COL24A1: variants seen among roughly 807,000 people sequenced by gnomAD.
COL24A1 encodes the protein collagen type XXIV alpha 1 chain.
COL24A1 carries 224 observed loss-of-function variants against 253.9 expected under a neutral mutation model. That is an observed-to-expected ratio of 0.88 (90% CI 0.79 to 0.99). COL24A1 has a LOEUF of 0.99. Ranked by LOEUF, COL24A1 falls within the 50% of genes least tolerant of loss-of-function variation. The pLI, the probability that COL24A1 is intolerant of heterozygous loss-of-function variation, is 0.00. For missense variants in COL24A1, 2,131 were observed against 2,068.5 expected (o/e 1.03, Z -0.59); for synonymous variants, 685 against 673.7 (o/e 1.02, Z -0.26).
chr1:86,067,148 GAA>G (rs113420368), intron 7 of COL24A1, among the ~76,000 whole-genome samples: 115 of 125,872 alleles, frequency 9.1e-4, no homozygotes, highest in African/African-American at 3.1e-3. Context: ...CAAAAAAGAA[GAA>G]AAAAAAAAAA....
At chr1:85,797,523 A>C (rs989712057) in intron 47 of COL24A1, among the ~76,000 whole-genome samples, 2 of 152,200 alleles carry the variant, frequency 1.3e-5, no homozygotes, top group Non-Finnish European at 2.9e-5. Context: ...AAGTGGGGGA[A>C]ATAATAGAAT....
At chr1:85,880,025 AG>A (rs1427470908) in intron 32 of COL24A1, among the ~76,000 whole-genome samples, 1 of 152,180 alleles carries the variant, frequency 6.6e-6, no homozygotes, top group Admixed American at 6.5e-5. Context: ...GCCTTTCCAT[AG>A]GAACTTCAGA....
chr1:85,732,881 C>G (rs552633085), intron 59 of COL24A1, among the ~76,000 whole-genome samples: 2 of 152,068 alleles, frequency 1.3e-5, no homozygotes, highest in Non-Finnish European at 2.9e-5. Context: ...ATATTATTAT[C>G]CCTATTATTA....
At chr1:85,830,342 C>G (rs945242404) in intron 43 of COL24A1, among the ~76,000 whole-genome samples, 1 of 152,100 alleles carries the variant, frequency 6.6e-6, no homozygotes, top group Non-Finnish European at 1.5e-5. Context: ...CAGACAGGGA[C>G]ATTTAAGTCT....
intron 7 of COL24A1, among the ~76,000 whole-genome samples, chr1:86,077,789 G>A (rs1157409882): frequency 1.3e-5 from 2 of 151,876 alleles, no homozygotes; most frequent in African/African-American, 4.8e-5. Flanking sequence ...GCTGAACAAT[G>A]AGAACACATG....
intron 5 of COL24A1, among the ~76,000 whole-genome samples, 162 bp downstream of exon 5, chr1:86,112,405 C>T (rs1419424578): frequency 6.6e-6 from 1 of 152,152 alleles, no homozygotes; most frequent in African/African-American, 2.4e-5. Context: ...GAACCTAGCT[C>T]TCTGCCAGGC....
In COL24A1 at chr1:86,142,534, C is replaced by CAA. The variant is rs1557804752; in HGVS notation, c.121+3583_121+3584dup. On this transcript the variant is annotated intron_variant, in intron 2 of 59. Coordinates refer to ENST00000370571, the MANE Select transcript of COL24A1 (RefSeq NM_152890.7). ...TGAGACACTGCCTCAAAAAAAAAAA[C>CAA]AAAAAACAAAAAACAAAAAAAACAA... Among the ~76,000 whole-genome samples the CAA allele has an allele frequency of 1.0e-4, 13 of 128,910 alleles. 1 individual carries two copies. The highest frequency in any genetic ancestry group is 5.1e-4 in the East Asian group (2 of 3,906). The allele number at this position is 128,910 out of a possible 152,430, so 84.6% of individuals were successfully genotyped here.
intron 12 of COL24A1, among the ~76,000 whole-genome samples, chr1:86,043,112 G>T (rs915264518): frequency 6.6e-6 from 1 of 151,984 alleles, no homozygotes; most frequent in African/African-American, 2.4e-5. Context: ...CTTAAATTCA[G>T]AATCTTAAAA....
intron 24 of COL24A1, among the ~76,000 whole-genome samples, chr1:85,912,248 A>C (rs1189400096): frequency 2.0e-5 from 3 of 152,144 alleles, no homozygotes; most frequent in Non-Finnish European, 4.4e-5. Context: ...AAAGAAGGTA[A>C]TCAGTTACAC....
intron 55 of COL24A1, among the ~76,000 whole-genome samples, chr1:85,758,521 T>C (rs2101070617): frequency 6.6e-6 from 1 of 152,304 alleles, no homozygotes; most frequent in East Asian, 1.9e-4. Context: ...CCATACACAC[T>C]GAGGTCTGGT....
intron 24 of COL24A1, among the ~76,000 whole-genome samples, chr1:85,946,267 C>T (rs949568264): frequency 2.0e-5 from 3 of 152,158 alleles, no homozygotes; most frequent in African/African-American, 7.2e-5. Flanking sequence ...TACTGTGTGA[C>T]TCCACCGGGA....
chr1:86,108,870 T>A (rs1705274314), intron 5 of COL24A1, among the ~76,000 whole-genome samples: 1 of 151,344 alleles, frequency 6.6e-6, no homozygotes, highest in Non-Finnish European at 1.5e-5. Flanking sequence ...AGATTGAGAG[T>A]TAAATTACAA....
intron 20 of COL24A1, among the ~76,000 whole-genome samples, chr1:85,978,570 A>AT (rs1280829287): frequency 1.3e-5 from 2 of 151,950 alleles, no homozygotes; most frequent in Non-Finnish European, 2.9e-5. Context: ...CAGGACCTCA[A>AT]TAACAGTTAA....
At chr1:85,892,469 G>C (rs1683231128) in intron 31 of COL24A1, among the ~76,000 whole-genome samples, 1 of 151,932 alleles carries the variant, frequency 6.6e-6, no homozygotes, top group South Asian at 2.1e-4. Flanking sequence ...GAAATATAAA[G>C]GATGTTCTAT....
chr1:86,017,703 A>G (rs561963615), intron 18 of COL24A1, among the ~76,000 whole-genome samples: 1 of 152,352 alleles, frequency 6.6e-6, no homozygotes, highest in South Asian at 2.1e-4. Flanking sequence ...TAAAATAGAA[A>G]TAATAATTAT....
At chr1:85,915,442 T>A (rs1685802071) in intron 24 of COL24A1, among the ~76,000 whole-genome samples, 1 of 152,208 alleles carries the variant, frequency 6.6e-6, no homozygotes, top group South Asian at 2.1e-4. Context: ...TGTGAGATTT[T>A]TTTTTAGCCC....
intron 19 of COL24A1, among the ~76,000 whole-genome samples, chr1:86,004,288 T>C (rs953908026): frequency 1.3e-5 from 2 of 152,236 alleles, no homozygotes; most frequent in East Asian, 3.9e-4. Flanking sequence ...TCTCTAAAGT[T>C]CTACTAGCAC....
At chr1:86,088,698 T>G (rs1557571822) in intron 7 of COL24A1, among the ~76,000 whole-genome samples, 1 of 152,106 alleles carries the variant, frequency 6.6e-6, no homozygotes, top group Non-Finnish European at 1.5e-5. Context: ...AGACAGAGAT[T>G]ATTATTTCCC....
At chr1:85,957,797 T>G (rs1180311467) in intron 24 of COL24A1, among the ~76,000 whole-genome samples, 1 of 152,222 alleles carries the variant, frequency 6.6e-6, no homozygotes, top group Admixed American at 6.5e-5. Context: ...AACCTCAAAC[T>G]AAATCATAAC....
Sources: gnomAD v4.1 joint callset for allele counts (sites outside exome capture counted in the v4.1 genomes callset) on GRCh38, gnomAD v4.1.1 for gene constraint, MANE v1.5 for transcripts, NCBI Gene and HGNC (gene_info 2026-07-23, HGNC 2026-07-21) for gene names.